The following EFCAB6 variants were observed in gnomAD, a reference collection of about 807,000 sequenced individuals.
The protein encoded by EFCAB6 is EF-hand calcium-binding domain-containing protein 6.
Under a neutral mutation model 169.8 loss-of-function variants are expected in EFCAB6, and 156 were observed. The observed-to-expected ratio is 0.92, with a 90% CI of 0.81 to 1.05. EFCAB6 has a LOEUF of 1.05. Ranked by LOEUF, EFCAB6 falls within the 50% of genes least tolerant of loss-of-function variation. The pLI is 0.00. For missense variants in EFCAB6, 1,800 were observed against 1,829.1 expected, an observed-to-expected ratio of 0.98 and a Z score of 0.29; for synonymous variants, 698 against 676.4, an observed-to-expected ratio of 1.03 and a Z score of -0.50.
chr22:43,651,099 T>C (rs894722456), intron 17 of EFCAB6, among the ~76,000 whole-genome samples: 21 of 152,230 alleles, frequency 1.4e-4, no homozygotes, highest in Non-Finnish European at 3.1e-4. Context: ...AGGAGGAGAA[T>C]ATTAATCCCC....
intron 25 of EFCAB6, among the ~76,000 whole-genome samples, chr22:43,578,148 G>T: frequency 6.6e-6 from 1 of 152,274 alleles, no homozygotes; most frequent in East Asian, 1.9e-4. Context: ...CAGGTTCTGG[G>T]CTCTGCTCCA....
intron 2 of EFCAB6, among the ~76,000 whole-genome samples, chr22:43,798,835 G>T (rs898722056): frequency 6.6e-6 from 1 of 152,148 alleles, no homozygotes; most frequent in Non-Finnish European, 1.5e-5. Context: ...ATTTTACTTG[G>T]AGAACACCTC....
At chr22:43,806,683 C>A (rs1341996911) in intron 2 of EFCAB6, among the ~76,000 whole-genome samples, 1 of 152,194 alleles carries the variant, frequency 6.6e-6, no homozygotes, top group Non-Finnish European at 1.5e-5. Flanking sequence ...CACGTAGTTC[C>A]TCACTTCTGA....
chr22:43,571,292 C>T (rs1024467250), intron 26 of EFCAB6, among the ~76,000 whole-genome samples: 4 of 152,120 alleles, frequency 2.6e-5, no homozygotes, highest in Admixed American at 2.0e-4. Context: ...GTTTTTCTCT[C>T]TCTGAGAATG....
chr22:43,690,729 G>C (rs907573535), intron 10 of EFCAB6, among the ~76,000 whole-genome samples: 2 of 151,530 alleles, frequency 1.3e-5, no homozygotes, highest in Non-Finnish European at 2.9e-5. Context: ...TTCTTCCAAA[G>C]AGCTGTACTC....
intron 22 of EFCAB6, among the ~76,000 whole-genome samples, chr22:43,604,934 C>T (rs735235): frequency 5.3e-5 from 8 of 152,238 alleles, no homozygotes; most frequent in Admixed American, 2.0e-4. Flanking sequence ...CTCGGGTCGG[C>T]CCTTTGGTGA....
At chr22:43,693,810 T>C (rs948406338) in intron 10 of EFCAB6, among the ~76,000 whole-genome samples, 1 of 151,920 alleles carries the variant, frequency 6.6e-6, no homozygotes, top group Non-Finnish European at 1.5e-5. Flanking sequence ...CCAATACATT[T>C]GACAATTAAG....
At chr22:43,759,879 T>C (rs1036395338) in intron 5 of EFCAB6, 2 of 152,208 alleles carry the variant, frequency 1.3e-5, no homozygotes, top group Non-Finnish European at 2.9e-5. Flanking sequence ...CACTGTATGT[T>C]ATCAATGGCA....
At chr22:43,726,523 G>C (rs1265267828) in intron 8 of EFCAB6, among the ~76,000 whole-genome samples, 1 of 152,238 alleles carries the variant, frequency 6.6e-6, no homozygotes, top group Admixed American at 6.5e-5. Flanking sequence ...TGAATTTCTT[G>C]TGATTTGGCT....
intron 6 of EFCAB6, among the ~76,000 whole-genome samples, chr22:43,740,616 T>A (rs563810658): frequency 6.6e-6 from 1 of 152,220 alleles, no homozygotes; most frequent in South Asian, 2.1e-4. Context: ...CATACCAGCC[T>A]CCTGACTAGA....
At chr22:43,548,884 C>T (rs1483379108) in intron 27 of EFCAB6, among the ~76,000 whole-genome samples, 1 of 152,100 alleles carries the variant, frequency 6.6e-6, no homozygotes, top group Non-Finnish European at 1.5e-5. Flanking sequence ...TAAAAAAAGA[C>T]CACACATCAG....
chr22:43,762,610 A>G (rs1476036), intron 5 of EFCAB6, among the ~76,000 whole-genome samples: 17,916 of 152,280 alleles, frequency 0.12, 1,131 homozygotes, highest in Middle Eastern at 0.18. Flanking sequence ...TCTGTTCGCT[A>G]TAATGTATTG....
At chr22:43,584,446 A>C (rs1569200074) in intron 24 of EFCAB6, among the ~76,000 whole-genome samples, 1 of 151,504 alleles carries the variant, frequency 6.6e-6, no homozygotes, top group Non-Finnish European at 1.5e-5. Flanking sequence ...CCCCACCCCC[A>C]CCACCACTTT....
At chr22:43,686,473 C>T (rs2058198658) in intron 11 of EFCAB6, among the ~76,000 whole-genome samples, 2 of 152,008 alleles carry the variant, frequency 1.3e-5, no homozygotes, top group Admixed American at 1.3e-4. Context: ...AAAAATTGTC[C>T]CCATTTAAGA....
rs150952500 is a variant in EFCAB6 at position 43,720,205 on chromosome 22, G to A, written c.758-3233C>T. On this transcript the variant is annotated intron_variant, in intron 8 of 31. Coordinates refer to ENST00000262726, the MANE Select transcript of EFCAB6 (RefSeq NM_022785.4). ...TCATTTCAGAAATGAAGACTAGGCC[G>A]GGTTCAAGGAAAGGAAAGGAGAGGA... Among the ~76,000 whole-genome samples the A allele has an allele frequency of 4.4e-4, 67 of 152,096 alleles. 1 individual carries two copies. The Middle Eastern group carries it at 0.02, about 46-fold the overall frequency.
At chr22:43,665,101 G>A (rs1162575448) in intron 17 of EFCAB6, among the ~76,000 whole-genome samples, 2 of 152,178 alleles carry the variant, frequency 1.3e-5, no homozygotes, top group African/African-American at 4.8e-5. Flanking sequence ...GGAAAAAAAG[G>A]TTGTTGTCTT....
intron 17 of EFCAB6, among the ~76,000 whole-genome samples, chr22:43,649,691 C>A (rs2056366886): frequency 6.6e-6 from 1 of 152,104 alleles, no homozygotes; most frequent in East Asian, 1.9e-4. Flanking sequence ...CAGATTTAAG[C>A]TTCCACTGAG....
intron 27 of EFCAB6, 53 bp from the exon 28 acceptor site, chr22:43,540,410 G>C: frequency 3.1e-6 from 5 of 1,608,886 alleles, no homozygotes; most frequent in Non-Finnish European, 4.2e-6. Context: ...CACAGGCAGC[G>C]TCGCACCTGT....
At chr22:43,626,339 T>C in intron 20 of EFCAB6, 108 bp downstream of exon 20, 2 of 1,106,964 alleles carry the variant, frequency 1.8e-6, no homozygotes, top group Non-Finnish European at 2.5e-6. Flanking sequence ...AAGAAAAAAA[T>C]AATCACTCCA....
Sources: allele counts gnomAD v4.1 joint callset (sites outside exome capture counted in the v4.1 genomes callset), GRCh38; gene constraint gnomAD v4.1.1; transcripts MANE v1.5; gene names NCBI Gene and HGNC (gene_info 2026-07-23, HGNC 2026-07-21).